C2CD4C: variants seen among roughly 807,000 people sequenced by gnomAD.
The protein encoded by C2CD4C is C2 calcium-dependent domain-containing protein 4C.
Under a neutral mutation model 4.1 loss-of-function variants are expected in C2CD4C, and 3 were observed. The observed-to-expected ratio is 0.73, with a 90% CI of 0.33 to 1.88. The LOEUF (loss-of-function observed/expected upper bound fraction) is 1.88. Among genes scored for constraint, C2CD4C ranks in the 40% most tolerant of loss-of-function variants. The pLI, the probability that C2CD4C is intolerant of heterozygous loss-of-function variation, is 0.08. For synonymous variants in C2CD4C, 364 were observed against 290.4 expected, an observed-to-expected ratio of 1.25 and a Z score of -2.57; for missense variants, 664 against 621.5, an observed-to-expected ratio of 1.07 and a Z score of -0.73.
rs779883450 is a variant in C2CD4C at position 407,696 on chromosome 19, G to A, written c.666C>T (p.Ala222=). The change falls in exon 2 of 2, where the codon GCC becomes GCT. Residue 222 remains alanine, a synonymous_variant. Transcript: ENST00000332235. ...SGGESDTGSS[A]ESSPFGSPLL... is the part of the protein sequence containing the mutation. ...GAGGGGACCCGAAGGGGGAGGACTCGGCCGAGGACCCTGTGTCGCTCTCCC... is the reference window on the plus strand; with the variant it reads ...GAGGGGACCCGAAGGGGGAGGACTCAGCCGAGGACCCTGTGTCGCTCTCCC... 7.8e-6 allele frequency: 12 copies of A among 1,533,378 alleles called. No individual in the cohort carries two copies. The highest frequency in any genetic ancestry group is 3.7e-5 in the South Asian group (3 of 81,634). 95.0% of individuals were successfully genotyped at this position (1,533,378 alleles called of 1,614,324 possible).
chr19:406,770 G>T lies in C2CD4C; in HGVS notation c.*326C>A. On this transcript the variant is annotated 3_prime_UTR_variant, in exon 2 of 2. Transcript: ENST00000332235. ...TGAGAACCTCCTTCTAGAACTCTGC[G>T]TGAAAGGCGCGAGGCAGTGTGGAGG... is the stretch of plus-strand genomic sequence containing the variant. 1 of 294,944 alleles carries T rather than the reference G, an allele frequency of 3.4e-6. No individual in the cohort carries two copies. Among genetic ancestry groups the T allele is most frequent in the Non-Finnish European group, 6.3e-6 (1 of 158,302 alleles). 18.3% of individuals were successfully genotyped at this position (294,944 alleles called of 1,614,324 possible). A position where few individuals can be genotyped will look rare whatever the true frequency, so the allele number is the denominator to read the frequency against.
rs1974007042 is a variant in C2CD4C, at chr19:407,329, A to G, written c.1033T>C (p.Cys345Arg). The G allele has an allele frequency of 3.9e-6, 6 of 1,548,954 alleles. No individual in the cohort carries two copies. Among genetic ancestry groups the G allele is most frequent in the Non-Finnish European group, 5.2e-6 (6 of 1,146,760 alleles). Residue 345 changes from cysteine to arginine, a missense_variant, in exon 2 of 2, where the codon TGC (cysteine) becomes CGC (arginine). Cys to Arg is a radical substitution (Grantham distance 180, BLOSUM62 -3). Coordinates refer to ENST00000332235, the MANE Select transcript of C2CD4C (RefSeq NM_001136263.2). ...CCCGGCACCAGGCACAGGCCCACGCAGCAGTTGATGCTGCGGGCGTCGCAC... is the reference window on the plus strand; with the variant it reads ...CCCGGCACCAGGCACAGGCCCACGCGGCAGTTGATGCTGCGGGCGTCGCAC... ...RLCDARSINC[C>R]VGLCLVPGKL...
rs1239689885 is a variant in C2CD4C, at chr19:405,642, C to G, written c.*1454G>C. On this transcript the variant is annotated 3_prime_UTR_variant, in exon 2 of 2. Transcript: ENST00000332235. ...GAGAAGGCGGGGAGCGCCGGCGTCT[C>G]TCTCCATGCAGGGCACCCTCCCCGC... 1.3e-5 allele frequency: 2 copies of G among 152,194 alleles called. No homozygotes were observed. The highest frequency in any genetic ancestry group is 1.9e-4 in the East Asian group (1 of 5,180). The allele number at this position is 152,194 out of a possible 1,614,324, so 9.4% of individuals were successfully genotyped here.
rs932780859 is a variant in C2CD4C, at chr19:405,786, C to T, written c.*1310G>A. The stretch of plus-strand genomic sequence containing the variant: ...CCCTCTGGAGGGCTCACAGGTGTGT[C>T]CCACCGGACGTGCAGCAGGGGCCCA... On this transcript the variant is annotated 3_prime_UTR_variant, in exon 2 of 2. Coordinates refer to ENST00000332235, the MANE Select transcript of C2CD4C (RefSeq NM_001136263.2). 2.6e-5 allele frequency: 4 copies of T among 152,260 alleles called. No homozygotes were observed. The highest frequency in any genetic ancestry group is 9.7e-5 in the African/African-American group (4 of 41,412). The allele number at this position is 152,260 out of a possible 1,614,324, so 9.4% of individuals were successfully genotyped here. A position where few individuals can be genotyped will look rare whatever the true frequency, so the allele number is the denominator to read the frequency against.
Position 406,993 on chromosome 19 carries a change from C to CCCCCCCCCCCCCCAA in C2CD4C, c.*102_*103insTTGGGGGGGGGGGGG. On this transcript the variant is annotated 3_prime_UTR_variant, in exon 2 of 2. Transcript: ENST00000332235. ...GCCTGAGTGTGAGCCCCTCCCCGGC[C>CCCCCCCCCCCCCCAA]AGCCCCAGCCCAAGCCAGCGGACCC... The CCCCCCCCCCCCCCAA allele has an allele frequency of 1.2e-6, 1 of 834,772 alleles. No individual in the cohort carries two copies. The highest frequency in any genetic ancestry group is 1.8e-6 in the Non-Finnish European group (1 of 569,394). 51.7% of individuals were successfully genotyped at this position (834,772 alleles called of 1,614,324 possible).
chr19:408,492 C>G, intron 1 of C2CD4C, 91 bp from the exon 2 acceptor site: 29 of 371,556 alleles, frequency 7.8e-5, no homozygotes, highest in East Asian at 3.4e-4. Context: ...CGGCAGGGCC[C>G]TGCCGGCGGG....
At position 407,693 on chromosome 19, in the gene C2CD4C, C is replaced by T; in HGVS notation, c.669G>A (p.Glu223=). ...GGESDTGSSA[E]SSPFGSPLLS... ...GCAGAGGGGACCCGAAGGGGGAGGA[C>T]TCGGCCGAGGACCCTGTGTCGCTCT... The change falls in exon 2 of 2, where the codon GAG becomes GAA. Residue 223 remains glutamate, a synonymous_variant. Coordinates refer to ENST00000332235, the MANE Select transcript of C2CD4C (RefSeq NM_001136263.2). 6.5e-7 allele frequency: 1 copy of T among 1,533,932 alleles called. No individual in the cohort carries two copies. The highest frequency in any genetic ancestry group is 8.8e-7 in the Non-Finnish European group (1 of 1,139,046).
rs559240781 is a variant in C2CD4C at position 406,246 on chromosome 19, CA to C, written c.*849del. 4.6e-4 allele frequency: 70 copies of C among 152,402 alleles called. 1 individual carries two copies. The highest frequency in any genetic ancestry group is 1.7e-3 in the African/African-American group (70 of 41,590). The allele number at this position is 152,402 out of a possible 1,614,324, so 9.4% of individuals were successfully genotyped here. A position where few individuals can be genotyped will look rare whatever the true frequency, so the allele number is the denominator to read the frequency against. Reference sequence around the variant, plus strand: ...GCTGGACAAAAGGGCGACGGGGTGGCAGCCCCCAGCGAGGACGGATGGGCCA... The same window carrying C: ...GCTGGACAAAAGGGCGACGGGGTGGCGCCCCCAGCGAGGACGGATGGGCCA... On this transcript the variant is annotated 3_prime_UTR_variant, in exon 2 of 2. Transcript: ENST00000332235.
chr19:408,560 G>A (rs1005943349), intron 1 of C2CD4C, among the ~76,000 whole-genome samples, 159 bp from the exon 2 acceptor site: 1 of 152,114 alleles, frequency 6.6e-6, no homozygotes, highest in Non-Finnish European at 1.5e-5. Context: ...CCCAGGACAG[G>A]AGTGAGGCGG....
At position 407,472 on chromosome 19, in the gene C2CD4C, C is replaced by T. The variant is rs1444280271; in HGVS notation, c.890G>A (p.Gly297Glu). 1.1e-5 allele frequency: 16 copies of T among 1,400,282 alleles called. No homozygotes were observed. Among genetic ancestry groups the T allele is most frequent in the Non-Finnish European group, 1.5e-5 (16 of 1,083,692 alleles). The allele number at this position is 1,400,282 out of a possible 1,614,324, so 86.7% of individuals were successfully genotyped here. A position where few individuals can be genotyped will look rare whatever the true frequency, so the allele number is the denominator to read the frequency against. Residue 297 changes from glycine to glutamate, a missense_variant, in exon 2 of 2, where the codon GGG becomes GAG. By Grantham distance (98) the Gly-to-Glu change is moderately conservative (BLOSUM62 -2). Transcript: ENST00000332235. ...EPGPESGQAR[G>E]EHTVHVGPRG... The stretch of plus-strand genomic sequence containing the variant: ...AGGGCCCACGTGGACCGTGTGCTCC[C>T]CACGCGCCTGGCCCGACTCGGGGCC...
At position 407,709 on chromosome 19, in the gene C2CD4C, G is replaced by C; in HGVS notation, c.653C>G (p.Thr218Arg). The C allele has an allele frequency of 6.5e-7, 1 of 1,532,022 alleles. No homozygotes were observed. The highest frequency in any genetic ancestry group is 8.8e-7 in the Non-Finnish European group (1 of 1,138,348). The allele number at this position is 1,532,022 out of a possible 1,614,324, so 94.9% of individuals were successfully genotyped here. ...GGGGGAGGACTCGGCCGAGGACCCT[G>C]TGTCGCTCTCCCCGCCACTGAAGTA... ...GRYFSGGESD[T>R]GSSAESSPFG... Residue 218 changes from threonine to arginine, a missense_variant, in exon 2 of 2, where the codon ACA becomes AGA. Thr to Arg is a moderately conservative substitution (Grantham distance 71). Coordinates refer to ENST00000332235, the MANE Select transcript of C2CD4C (RefSeq NM_001136263.2).
Position 407,275 on chromosome 19 carries a change from C to G in C2CD4C, c.1087G>C (p.Val363Leu), listed in dbSNP as rs1176300013. Residue 363 changes from valine (V) to leucine (L), a missense_variant, in exon 2 of 2, where the codon GTG becomes CTG. Physicochemically the swap from Val to Leu is conservative, Grantham distance 32. Transcript: ENST00000332235. ...GKLQKQRSTI[V>L]KNSRRPVFNE... ...AAGACGGGGCGGCGGCTGTTCTTCA[C>G]GATGGTGCTGCGCTGCTTCTGCAGC... 2.6e-6 allele frequency: 4 copies of G among 1,550,068 alleles called. No homozygotes were observed. Among genetic ancestry groups the G allele is most frequent in the Non-Finnish European group, 2.6e-6 (3 of 1,146,874 alleles).
chr19:408,453 C>T, intron 1 of C2CD4C, 52 bp from the exon 2 acceptor site: 1 of 1,209,838 alleles, frequency 8.3e-7, no homozygotes, highest in East Asian at 3.3e-5. Flanking sequence ...GGCAGAGGGC[C>T]CTGGGCACCT....
intron 1 of C2CD4C, 33 bp from the exon 2 acceptor site, chr19:408,434 G>T: frequency 2.1e-6 from 3 of 1,442,954 alleles, no homozygotes; most frequent in Non-Finnish European, 2.8e-6. Flanking sequence ...GGAGCAGTGG[G>T]GGGCGGCTGG....
At position 408,202 on chromosome 19, in the gene C2CD4C, G is replaced by A. The variant is rs1011976759; in HGVS notation, c.160C>T (p.Pro54Ser). ...TCCGCGGGGCCCGAGGGCAGCTTGG[G>A]GGGGATGAAAAAGTCGGGGATCTTG... ...PDKIPDFFIP[P>S]KLPSGPAEGE... Residue 54 changes from proline (P) to serine (S), a missense_variant, in exon 2 of 2, where the codon CCC (proline) becomes TCC (serine). Pro to Ser is a moderately conservative substitution (Grantham distance 74). Transcript: ENST00000332235. The A allele has an allele frequency of 2.1e-6, 3 of 1,460,934 alleles. No individual in the cohort carries two copies. Among genetic ancestry groups the A allele is most frequent in the African/African-American group, 1.5e-5 (1 of 68,454 alleles). 90.5% of individuals were successfully genotyped at this position (1,460,934 alleles called of 1,614,324 possible). A position where few individuals can be genotyped will look rare whatever the true frequency, so the allele number is the denominator to read the frequency against.
At chr19:408,542 C>T (rs560676679) in intron 1 of C2CD4C, 141 bp from the exon 2 acceptor site, 35 of 594,760 alleles carry the variant, frequency 5.9e-5, no homozygotes, top group African/African-American at 5.8e-4. Context: ...CCCGCCCAGG[C>T]GCGGCGGCCC....
chr19:406,985 T>TAC lies in C2CD4C; in HGVS notation c.*110_*111insGT. The TAC allele has an allele frequency of 6.3e-5, 39 of 616,454 alleles. No individual in the cohort carries two copies. Among genetic ancestry groups the TAC allele is most frequent in the East Asian group, 1.5e-4 (4 of 26,044 alleles). The allele number at this position is 616,454 out of a possible 1,614,324, so 38.2% of individuals were successfully genotyped here. A position where few individuals can be genotyped will look rare whatever the true frequency, so the allele number is the denominator to read the frequency against. On this transcript the variant is annotated 3_prime_UTR_variant, in exon 2 of 2. Transcript: ENST00000332235. ...CCAGCCCAGCCTGAGTGTGAGCCCC[T>TAC]CCCCGGCCAGCCCCAGCCCAAGCCA... is the stretch of plus-strand genomic sequence containing the variant.
Position 407,307 on chromosome 19 carries a change from G to C in C2CD4C, c.1055C>G (p.Pro352Arg). Residue 352 changes from proline to arginine, a missense_variant, in exon 2 of 2, where the codon CCG becomes CGG. Coordinates refer to ENST00000332235, the MANE Select transcript of C2CD4C (RefSeq NM_001136263.2). The part of the protein sequence containing the change: ...INCCVGLCLV[P>R]GKLQKQRSTI... ...GCTGCGCTGCTTCTGCAGCTTGCCC[G>C]GCACCAGGCACAGGCCCACGCAGCA... is the stretch of plus-strand genomic sequence containing the variant. 1 of 1,549,778 alleles carries C rather than the reference G, an allele frequency of 6.5e-7. No homozygotes were observed. The highest frequency in any genetic ancestry group is 8.7e-7 in the Non-Finnish European group (1 of 1,146,818).
rs1448591003 is a variant in C2CD4C at position 408,112 on chromosome 19, G to A, written c.250C>T (p.Arg84Cys). ...SEQNLASAAP[R>C]QTPRSPRLPA... ...AGCCGGGGGCTCCGTGGGGTCTGGC[G>A]GGGGGCCGCAGAGGCCAGGTTCTGT... The change falls in exon 2 of 2, where the codon CGC becomes TGC. Residue 84 changes from arginine to cysteine, a missense_variant. Physicochemically the swap from Arg to Cys is radical, Grantham distance 180. Coordinates refer to ENST00000332235, the MANE Select transcript of C2CD4C (RefSeq NM_001136263.2). 6 of 1,476,076 alleles carry A rather than the reference G, an allele frequency of 4.1e-6. No individual in the cohort carries two copies. Among genetic ancestry groups the A allele is most frequent in the East Asian group, 2.5e-5 (1 of 40,202 alleles). 91.4% of individuals were successfully genotyped at this position (1,476,076 alleles called of 1,614,324 possible).
Sources: allele counts gnomAD v4.1 joint callset (sites outside exome capture counted in the v4.1 genomes callset), GRCh38; gene constraint gnomAD v4.1.1; transcripts MANE v1.5; gene names NCBI Gene and HGNC (gene_info 2026-07-23, HGNC 2026-07-21).